The following ZNF225 variants were observed in gnomAD, a reference collection of about 807,000 sequenced individuals.
ZNF225 encodes the protein zinc finger protein 225.
Under a neutral mutation model 12.0 loss-of-function variants are expected in ZNF225, and 6 were observed. The observed-to-expected ratio is 0.50, with a 90% confidence interval of 0.27 to 0.98. The LOEUF is 0.98. ZNF225 is among the 50% of genes least tolerant of loss of function. The pLI, the probability that ZNF225 is intolerant of heterozygous loss-of-function variation, is 0.11. For synonymous variants in ZNF225, 271 were observed against 283.2 expected (o/e 0.96, Z 0.43); for missense variants, 763 against 848.2 (o/e 0.90, Z 1.25).
At chr19:44,119,842 C>G (rs1968017220) in intron 4 of ZNF225, among the ~76,000 whole-genome samples, 1 of 152,180 alleles carries the variant, frequency 6.6e-6, no homozygotes, top group Non-Finnish European at 1.5e-5. Flanking sequence ...ACTCTTTCAC[C>G]TCAAAACTTT....
intron 1 of ZNF225, 138 bp downstream of exon 1, chr19:44,113,707 G>A (rs115012728): frequency 0.015 from 2,297 of 152,288 alleles, 63 homozygotes; most frequent in African/African-American, 0.053. Context: ...GGGGCTCTGA[G>A]CTCGCCCACT....
At chr19:44,112,561 T>TA (rs201669527), upstream of ZNF225, among the ~76,000 whole-genome samples, 1,381 of 152,304 alleles carry the variant, frequency 9.1e-3, 23 homozygotes, top group African/African-American at 0.032. Flanking sequence ...ACGACCACGT[T>TA]AAAAACGTTT....
intron 1 of ZNF225, chr19:44,114,331 C>A: frequency 2.2e-6 from 1 of 458,794 alleles, no homozygotes; most frequent in Non-Finnish European, 4.0e-6. Context: ...AGTCTTTAAT[C>A]TTGAAAGATA....
intron 1 of ZNF225, chr19:44,114,220 GA>G: frequency 2.0e-6 from 2 of 1,007,188 alleles, no homozygotes; most frequent in Non-Finnish European, 3.1e-6. Context: ...CTACGTGAGT[GA>G]TCCTTGGCTT....
chr19:44,114,578 T>G (rs925764356), intron 1 of ZNF225, among the ~76,000 whole-genome samples: 3 of 152,324 alleles, frequency 2.0e-5, no homozygotes, highest in Admixed American at 2.0e-4. Flanking sequence ...TGGCACGATC[T>G]CAGCTCATTG....
Position 44,132,761 on chromosome 19 carries a change from G to A in ZNF225, c.*26G>A. 1.7e-5 allele frequency: 26 copies of A among 1,490,458 alleles called. No homozygotes were observed. Among genetic ancestry groups the A allele is most frequent in the Non-Finnish European group, 2.3e-5 (26 of 1,110,718 alleles). The allele number at this position is 1,490,458 out of a possible 1,614,324, so 92.3% of individuals were successfully genotyped here. ...CTGTTGTACTCATTTATGGGGTACAGTGTGATAGTTAATGCAAGTATACAA... is the reference window on the plus strand; with the variant it reads ...CTGTTGTACTCATTTATGGGGTACAATGTGATAGTTAATGCAAGTATACAA... On this transcript the variant is annotated 3_prime_UTR_variant, in exon 5 of 5. Coordinates refer to ENST00000262894, the MANE Select transcript of ZNF225 (RefSeq NM_013362.4).
chr19:44,132,008 T>G lies in ZNF225; in HGVS notation c.1394T>G (p.Phe465Cys). The G allele has an allele frequency of 6.2e-7, 1 of 1,613,928 alleles. No individual in the cohort carries two copies. Reference sequence around the variant, plus strand: ...AATTGTAAGGAATGTGGGAAGAGCTTTGGCTGGGCCTCGTGTCTTTTGAAT... The same window carrying G: ...AATTGTAAGGAATGTGGGAAGAGCTGTGGCTGGGCCTCGTGTCTTTTGAAT... ...PYNCKECGKS[F>C]GWASCLLNHQ... The change falls in exon 5 of 5, where the codon TTT (phenylalanine) becomes TGT (cysteine). Residue 465 changes from phenylalanine to cysteine, a missense_variant. Phe to Cys is a radical substitution (Grantham distance 205). Transcript: ENST00000262894.
intron 4 of ZNF225, among the ~76,000 whole-genome samples, chr19:44,122,636 A>AT (rs1968076803): frequency 6.6e-6 from 1 of 152,082 alleles, no homozygotes; most frequent in Admixed American, 6.6e-5. Context: ...TGAGCATGAG[A>AT]TGTGTTTCCA....
At chr19:44,113,337 A>T (rs978783100), upstream of ZNF225, 1 of 151,040 alleles carries the variant, frequency 6.6e-6, no homozygotes, top group African/African-American at 2.5e-5. Flanking sequence ...TGTAGTCCAG[A>T]CGCTCGGGGT....
rs761176464 is a variant in ZNF225 at position 44,131,752 on chromosome 19, A to C, written c.1138A>C (p.Ser380Arg). The change falls in exon 5 of 5, where the codon AGC becomes CGC. Residue 380 changes from serine (S) to arginine (R), a missense_variant. Transcript: ENST00000262894. The stretch of plus-strand genomic sequence containing the variant: ...ATATAATTGTAAAGAATGTGGAAAG[A>C]GCTTCAGATGGGCCTCAGGTCTTTC... ...KPYNCKECGK[S>R]FRWASGLSRH... The C allele has an allele frequency of 3.1e-6, 5 of 1,614,234 alleles. No homozygotes were observed. Among genetic ancestry groups the C allele is most frequent in the Non-Finnish European group, 4.2e-6 (5 of 1,180,040 alleles).
upstream of ZNF225, chr19:44,113,207 T>C (rs1967865833): frequency 1.3e-5 from 2 of 152,392 alleles, no homozygotes; most frequent in South Asian, 2.1e-4. Context: ...CTCAGTGGAG[T>C]AGCGGTCAGC....
intron 2 of ZNF225, 57 bp from the exon 3 acceptor site, chr19:44,118,131 C>CAGGAA: frequency 6.4e-7 from 1 of 1,570,784 alleles, no homozygotes; most frequent in Non-Finnish European, 8.6e-7. Context: ...TCAGTGCCAC[C>CAGGAA]CCTCTCTCAG....
At chr19:44,126,675 G>A (rs1968153093) in intron 4 of ZNF225, among the ~76,000 whole-genome samples, 1 of 152,126 alleles carries the variant, frequency 6.6e-6, no homozygotes, top group South Asian at 2.1e-4. Context: ...GGAGGGCTAG[G>A]TGTGTCTGAG....
At position 44,131,719 on chromosome 19, in the gene ZNF225, G is replaced by A. The variant is rs532816504; in HGVS notation, c.1105G>A (p.Glu369Lys). 4 of 1,614,240 alleles carry A rather than the reference G, an allele frequency of 2.5e-6. No homozygotes were observed. The highest frequency in any genetic ancestry group is 2.2e-5 in the South Asian group (2 of 91,092). The change falls in exon 5 of 5, where the codon GAG becomes AAG. Residue 369 changes from glutamate (E) to lysine (K), a missense_variant. Glu to Lys is a moderately conservative substitution (Grantham distance 56). Transcript: ENST00000262894. The stretch of plus-strand genomic sequence containing the variant: ...TAAGCATCAGATAGACCACACAGGG[G>A]AGAAGCCATATAATTGTAAAGAATG... ...LYKHQIDHTG[E>K]KPYNCKECGK... is the part of the protein sequence containing the mutation.
chr19:44,127,815 A>AT (rs1968178178), intron 4 of ZNF225, among the ~76,000 whole-genome samples: 1 of 151,232 alleles, frequency 6.6e-6, no homozygotes. Context: ...ATTTTTTTGT[A>AT]TTTTTTAGTA....
chr19:44,129,902 A>G (rs886698474), intron 4 of ZNF225: 7 of 152,264 alleles, frequency 4.6e-5, no homozygotes, highest in Non-Finnish European at 8.8e-5. Context: ...ATAAGGATAT[A>G]CAATACAAAC....
At chr19:44,129,575 A>G (rs1213496729) in intron 4 of ZNF225, 1 of 152,270 alleles carries the variant, frequency 6.6e-6, no homozygotes, top group Non-Finnish European at 1.5e-5. Flanking sequence ...TTACATAGCC[A>G]TTATTGGTTG....
chr19:44,117,870 T>TA, intron 2 of ZNF225, among the ~76,000 whole-genome samples: 1 of 151,922 alleles, frequency 6.6e-6, no homozygotes, highest in East Asian at 1.9e-4. Flanking sequence ...AATACAAAAA[T>TA]TAGCCAGGCA....
chr19:44,116,536 A>G (rs1967945684), intron 2 of ZNF225, among the ~76,000 whole-genome samples: 1 of 152,244 alleles, frequency 6.6e-6, no homozygotes, highest in Non-Finnish European at 1.5e-5. Context: ...ACCAGAAAAT[A>G]TAACAGCCTA....
Sources: gnomAD v4.1 joint callset for allele counts (sites outside exome capture counted in the v4.1 genomes callset) on GRCh38, gnomAD v4.1.1 for gene constraint, MANE v1.5 for transcripts, NCBI Gene and HGNC (gene_info 2026-07-23, HGNC 2026-07-21) for gene names.